BBS9: variants seen among roughly 807,000 people sequenced by gnomAD.
BBS9 encodes the protein protein PTHB1.
A neutral mutation model predicts 117.7 loss-of-function variants in BBS9; 89 were observed. The ratio of observed to expected loss-of-function variants is 0.76; its 90% confidence interval spans 0.64 to 0.90. The LOEUF (loss-of-function observed/expected upper bound fraction) is 0.90. Ranked by LOEUF, BBS9 falls within the 40% of genes least tolerant of loss-of-function variation. The probability of loss-of-function intolerance (pLI) is 0.00; values close to 1 mark genes in which losing one functional copy is unlikely to be tolerated. For missense variants in BBS9, 982 were observed against 1,042.2 expected, an observed-to-expected ratio of 0.94 and a Z score of 0.80; for synonymous variants, 379 against 370.9, an observed-to-expected ratio of 1.02 and a Z score of -0.25.
intron 20 of BBS9, among the ~76,000 whole-genome samples, chr7:33,527,584 C>A (rs1849806266): frequency 6.6e-6 from 1 of 152,232 alleles, no homozygotes; most frequent in African/African-American, 2.4e-5. Flanking sequence ...CCAAGTGAGG[C>A]AATGCCTCGC....
At chr7:33,410,371 G>T (rs983964433) in intron 19 of BBS9, among the ~76,000 whole-genome samples, 2 of 152,036 alleles carry the variant, frequency 1.3e-5, no homozygotes, top group African/African-American at 4.8e-5. Context: ...CTCTTTTCCT[G>T]TTGTTGCTTG....
At chr7:33,439,227 T>A (rs1050390853) in intron 19 of BBS9, among the ~76,000 whole-genome samples, 2 of 152,184 alleles carry the variant, frequency 1.3e-5, no homozygotes, top group African/African-American at 4.8e-5. Flanking sequence ...ATTCCTATAT[T>A]TGCTCTCTCC....
chr7:33,332,104 C>G (rs1168500083), intron 9 of BBS9, among the ~76,000 whole-genome samples: 1 of 150,964 alleles, frequency 6.6e-6, no homozygotes, highest in Non-Finnish European at 1.5e-5. Flanking sequence ...TAAAAACGGG[C>G]ACATAGACCA....
intron 20 of BBS9, among the ~76,000 whole-genome samples, chr7:33,527,711 C>G (rs527318502): frequency 6.6e-6 from 1 of 152,216 alleles, no homozygotes; most frequent in African/African-American, 2.4e-5. Flanking sequence ...CCGTCTTCTG[C>G]GTCGCTCACG....
chr7:33,186,212 C>T (rs1038136918), intron 5 of BBS9, among the ~76,000 whole-genome samples: 1 of 152,124 alleles, frequency 6.6e-6, no homozygotes, highest in Non-Finnish European at 1.5e-5. Flanking sequence ...GAAATTGGAC[C>T]TTAAATGCTG....
chr7:33,168,475 A>G (rs975930393), intron 4 of BBS9, among the ~76,000 whole-genome samples: 3 of 152,198 alleles, frequency 2.0e-5, no homozygotes, highest in Non-Finnish European at 4.4e-5. Context: ...CGCATAAATG[A>G]AAATATTTTA....
At chr7:33,522,620 T>C (rs2129044195) in intron 20 of BBS9, among the ~76,000 whole-genome samples, 1 of 152,154 alleles carries the variant, frequency 6.6e-6, no homozygotes, top group South Asian at 2.1e-4. Context: ...TAAACTTGTT[T>C]GAGTTCATTG....
At chr7:33,341,195 G>C (rs1358912015) in intron 11 of BBS9, among the ~76,000 whole-genome samples, 1 of 152,154 alleles carries the variant, frequency 6.6e-6, no homozygotes, top group East Asian at 1.9e-4. Flanking sequence ...AAGTGGGGTT[G>C]TAGGGGAAGA....
chr7:33,447,721 T>C (rs146747176), intron 19 of BBS9, among the ~76,000 whole-genome samples: 80 of 152,360 alleles, frequency 5.3e-4, no homozygotes, highest in African/African-American at 1.8e-3. Context: ...TGTTACAGAA[T>C]TCCTGTGATT....
chr7:33,599,362 G>A (rs34192176), intron 21 of BBS9, among the ~76,000 whole-genome samples: 12,630 of 152,138 alleles, frequency 0.083, 940 homozygotes, highest in Admixed American at 0.24. Flanking sequence ...CCACCTTAGG[G>A]ACTTTATCTT....
intron 4 of BBS9, among the ~76,000 whole-genome samples, chr7:33,160,240 C>T (rs1794647685): frequency 6.6e-6 from 1 of 152,134 alleles, no homozygotes; most frequent in South Asian, 2.1e-4. Flanking sequence ...AAAAGGAGAC[C>T]TAACAAATGA....
At chr7:33,596,299 C>CACACACA (rs1491153351) in intron 21 of BBS9, among the ~76,000 whole-genome samples, 2 of 143,456 alleles carry the variant, frequency 1.4e-5, no homozygotes, top group African/African-American at 5.3e-5. Context: ...CACACACACA[C>CACACACA]TTATATATGT....
chr7:33,259,554 T>A (rs1342184285), intron 6 of BBS9, among the ~76,000 whole-genome samples: 3 of 152,010 alleles, frequency 2.0e-5, no homozygotes, highest in Non-Finnish European at 4.4e-5. Flanking sequence ...TTTTTTTTTT[T>A]AATAGAGACG....
Position 33,239,254 on chromosome 7 carries a change from G to C in BBS9, c.443-17982G>C, listed in dbSNP as rs150660637. 4.0e-3 allele frequency among the ~76,000 whole-genome samples: 609 copies of C among 152,126 alleles called. 4 individuals carry two copies. The highest frequency in any genetic ancestry group is 0.014 in the African/African-American group (585 of 41,498). ...GGACTTACTTGGTGCTACTACCTAC[G>C]ACTACGCTAAGGATTTAAACTAAAC... On this transcript the variant is annotated intron_variant, in intron 5 of 22. Coordinates refer to ENST00000242067, the MANE Select transcript of BBS9 (RefSeq NM_198428.3).
At chr7:33,132,904 T>C (rs1789846115) in intron 1 of BBS9, among the ~76,000 whole-genome samples, 1 of 152,226 alleles carries the variant, frequency 6.6e-6, no homozygotes, top group Non-Finnish European at 1.5e-5. Flanking sequence ...CTGAATTTAA[T>C]TTGCTATTGT....
rs143691181 is a variant in BBS9 at position 33,218,562 on chromosome 7, G to T, written c.443-38674G>T. 3.9e-3 allele frequency among the ~76,000 whole-genome samples: 600 copies of T among 152,344 alleles called. 3 individuals carry two copies. Among genetic ancestry groups the T allele is most frequent in the Admixed American group, 7.8e-3 (119 of 15,300 alleles). ...ACATGTGGCATTGGGAGATAGGCGA[G>T]TATTCAGAAGTAGTTACAGAAGCCT... On this transcript the variant is annotated intron_variant, in intron 5 of 22. Coordinates refer to ENST00000242067, the MANE Select transcript of BBS9 (RefSeq NM_198428.3).
intron 19 of BBS9, among the ~76,000 whole-genome samples, chr7:33,476,502 G>A (rs1291996825): frequency 6.6e-6 from 1 of 152,234 alleles, no homozygotes; most frequent in Admixed American, 6.5e-5. Flanking sequence ...GGCCATGGCT[G>A]CATTTCCTCC....
At chr7:33,479,233 AC>A (rs1379635767) in intron 19 of BBS9, among the ~76,000 whole-genome samples, 2 of 151,990 alleles carry the variant, frequency 1.3e-5, no homozygotes, top group Non-Finnish European at 2.9e-5. Flanking sequence ...TAGTTTTTCA[AC>A]CCATGCCTCC....
At chr7:33,163,143 A>G (rs1795125373) in intron 4 of BBS9, among the ~76,000 whole-genome samples, 1 of 152,092 alleles carries the variant, frequency 6.6e-6, no homozygotes, top group African/African-American at 2.4e-5. Context: ...ATTGATTTGC[A>G]TATGTTAAAC....
Sources: gnomAD v4.1 joint callset for allele counts (sites outside exome capture counted in the v4.1 genomes callset) on GRCh38, gnomAD v4.1.1 for gene constraint, MANE v1.5 for transcripts, NCBI Gene and HGNC (gene_info 2026-07-23, HGNC 2026-07-21) for gene names.